The following PTPN23 variants were observed in gnomAD, a reference collection of about 807,000 sequenced individuals.
PTPN23 encodes tyrosine-protein phosphatase non-receptor type 23.
Under a neutral mutation model 156.3 loss-of-function variants are expected in PTPN23, and 72 were observed. The observed-to-expected ratio is 0.46, with a 90% CI of 0.38 to 0.56. The LOEUF (loss-of-function observed/expected upper bound fraction) is 0.56. PTPN23 is among the 20% of genes least tolerant of loss of function. PTPN23 has a pLI of 0.00. For missense variants in PTPN23, 1,974 were observed against 2,171.5 expected, an observed-to-expected ratio of 0.91 and a Z score of 1.81; for synonymous variants, 957 against 899.6, an observed-to-expected ratio of 1.06 and a Z score of -1.14.
At chr3:47,384,622 A>G (rs930283424) in intron 1 of PTPN23, among the ~76,000 whole-genome samples, 12 of 152,092 alleles carry the variant, frequency 7.9e-5, no homozygotes, top group Non-Finnish European at 1.6e-4. Context: ...GCTTTTGACA[A>G]ATCTTTCATG....
At position 47,410,752 on chromosome 3, in the gene PTPN23, CACCCCAG is replaced by C; in HGVS notation, c.2955_2961del (p.Ala988AspfsTer170). The stretch of plus-strand genomic sequence containing the variant: ...CCACTCCAGCATCCACATCTCTTCC[CACCCCAG>C]GCCCCAGGACTCCTACCCCCACAAT... On this transcript the variant is annotated frameshift_variant, in exon 20 of 25. Coordinates refer to ENST00000265562, the MANE Select transcript of PTPN23 (RefSeq NM_015466.4). LOFTEE classifies it high-confidence loss of function. 6.4e-7 allele frequency: 1 copy of C among 1,558,140 alleles called. No homozygotes were observed. The highest frequency in any genetic ancestry group is 8.7e-7 in the Non-Finnish European group (1 of 1,148,922).
At position 47,405,119 on chromosome 3, in the gene PTPN23, A is replaced by C; in HGVS notation, c.364+38A>C. On this transcript the variant is annotated intron_variant, in intron 4 of 24. Coordinates refer to ENST00000265562, the MANE Select transcript of PTPN23 (RefSeq NM_015466.4). This position sits in a 1 kb window ranked among gnomAD's most constrained non-coding sequence, Gnocchi z 4.7. ...ATCCCTTCCCCCGGCCCTACTCCCCAGTCCTGCCAGCCTAGCTTTCAGCTC... is the reference window on the plus strand; with the variant it reads ...ATCCCTTCCCCCGGCCCTACTCCCCCGTCCTGCCAGCCTAGCTTTCAGCTC... 1 of 1,590,448 alleles carries C rather than the reference A, an allele frequency of 6.3e-7. No individual in the cohort carries two copies. The highest frequency in any genetic ancestry group is 1.1e-5 in the South Asian group (1 of 90,598).
At chr3:47,408,285 T>C in intron 14 of PTPN23, 60 bp from the exon 15 acceptor site, 1 of 1,582,644 alleles carries the variant, frequency 6.3e-7, no homozygotes, top group Non-Finnish European at 8.6e-7. Context: ...AGCGGCTCCT[T>C]TGACATGGTC....
intron 1 of PTPN23, among the ~76,000 whole-genome samples, chr3:47,392,035 A>T (rs1219751779): frequency 1.3e-5 from 2 of 151,938 alleles, no homozygotes; most frequent in African/African-American, 4.8e-5. Flanking sequence ...ATAGGCGCAC[A>T]CCACCACACG....
At chr3:47,386,882 TC>T in intron 1 of PTPN23, among the ~76,000 whole-genome samples, 1 of 152,234 alleles carries the variant, frequency 6.6e-6, no homozygotes, top group Non-Finnish European at 1.5e-5. Flanking sequence ...TATATCCATT[TC>T]AGTTAGAGTT....
intron 2 of PTPN23, among the ~76,000 whole-genome samples, chr3:47,403,981 A>G (rs1576222553): frequency 6.6e-6 from 1 of 152,204 alleles, no homozygotes; most frequent in East Asian, 1.9e-4. Flanking sequence ...CTTTAATCCC[A>G]TCACTTTGGG....
At position 47,408,819 on chromosome 3, in the gene PTPN23, C is replaced by T. The variant is rs1705192021; in HGVS notation, c.1374C>T (p.Asp458=). 1 of 1,611,928 alleles carries T rather than the reference C, an allele frequency of 6.2e-7. No individual in the cohort carries two copies. The highest frequency in any genetic ancestry group is 8.5e-7 in the Non-Finnish European group (1 of 1,178,772). Residue 458 remains aspartate, a synonymous_variant, in exon 16 of 25, where the codon GAC becomes GAT. Coordinates refer to ENST00000265562, the MANE Select transcript of PTPN23 (RefSeq NM_015466.4). ...VFTDVEASLK[D]IRDLLEEDEL... Reference sequence around the variant, plus strand: ...CGGATGTGGAGGCTTCCCTGAAGGACATCAGAGATCTGTTGGAGGAGGATG... The same window carrying T: ...CGGATGTGGAGGCTTCCCTGAAGGATATCAGAGATCTGTTGGAGGAGGATG...
Position 47,412,556 on chromosome 3 carries a change from G to T in PTPN23, c.4360G>T (p.Glu1454Ter). 1 of 1,613,634 alleles carries T rather than the reference G, an allele frequency of 6.2e-7. No homozygotes were observed. Among genetic ancestry groups the T allele is most frequent in the South Asian group, 1.1e-5 (1 of 91,084 alleles). Residue 1454 changes from glutamate to a stop codon, truncating the protein, a stop_gained, in exon 24 of 25, where the codon GAG becomes TAG. Transcript: ENST00000265562. LOFTEE classifies it high-confidence loss of function. ...FCYEAVVRHVEQVLQRHGVPP... is the reference protein window; with the variant it reads ...FCYEAVVRHV ...CTATGAGGCAGTGGTGAGACACGTG[G>T]AGCAGGTCCTGCAGCGCCATGGTGT...
At position 47,409,540 on chromosome 3, in the gene PTPN23, C is replaced by T. The variant is rs1387784098; in HGVS notation, c.1921C>T (p.Arg641Trp). Residue 641 changes from arginine to tryptophan, a missense_variant, in exon 18 of 25, where the codon CGG becomes TGG. Coordinates refer to ENST00000265562, the MANE Select transcript of PTPN23 (RefSeq NM_015466.4). ...TEANVQYAAV[R>W]RVLSDLDQKW... ...GGCCAACGTGCAGTACGCAGCCGTG[C>T]GGCGGGTACTCAGCGACTTGGACCA... The T allele has an allele frequency of 7.4e-6, 12 of 1,613,768 alleles. No individual in the cohort carries two copies. Among genetic ancestry groups the T allele is most frequent in the East Asian group, 2.2e-5 (1 of 44,886 alleles).
chr3:47,406,689 T>C lies in PTPN23; in HGVS notation c.760-14T>C, dbSNP rs1416413047. The C allele has an allele frequency of 2.5e-6, 4 of 1,613,502 alleles. No homozygotes were observed. The highest frequency in any genetic ancestry group is 3.4e-6 in the Non-Finnish European group (4 of 1,179,806). On this transcript the variant is annotated splice_polypyrimidine_tract_variant and intron_variant, in intron 8 of 24. Transcript: ENST00000265562. The surrounding 1 kb of genome is among the most constrained non-coding windows in gnomAD (Gnocchi z 5.8). ...CTCAGGAAGCAAGTCGTGGCGTCTC[T>C]TCTTCTTTCCCAGCTGCACATGGGA...
At position 47,405,724 on chromosome 3, in the gene PTPN23, C is replaced by G; in HGVS notation, c.365-25C>G. ...CATGGGTGTGAGCAGCCCCAGGCCCCTAACACTGTCCCCTCCCTCCCCAGG... is the reference window on the plus strand; with the variant it reads ...CATGGGTGTGAGCAGCCCCAGGCCCGTAACACTGTCCCCTCCCTCCCCAGG... On this transcript the variant is annotated intron_variant, in intron 4 of 24. Transcript: ENST00000265562. The surrounding 1 kb of genome is among the most constrained non-coding windows in gnomAD (Gnocchi z 4.7). The G allele has an allele frequency of 6.3e-7, 1 of 1,595,712 alleles. No homozygotes were observed.
chr3:47,384,077 C>A (rs1453057178), intron 1 of PTPN23, among the ~76,000 whole-genome samples: 1 of 149,942 alleles, frequency 6.7e-6, no homozygotes, highest in East Asian at 2.0e-4. Flanking sequence ...AAGTACTATG[C>A]TGAACCTTGA....
At chr3:47,381,212 G>T in intron 1 of PTPN23, 32 bp downstream of exon 1, 1 of 1,557,788 alleles carries the variant, frequency 6.4e-7, no homozygotes, top group African/African-American at 1.4e-5. Flanking sequence ...CCCCCTATCC[G>T]CCGCGTATCT....
chr3:47,382,294 C>T (rs1259872703), intron 1 of PTPN23, among the ~76,000 whole-genome samples: 1 of 151,284 alleles, frequency 6.6e-6, no homozygotes, highest in East Asian at 1.9e-4. Flanking sequence ...ACGTTGCTCT[C>T]TTCTTCATCT....
In PTPN23 at chr3:47,407,778, C is replaced by T; in HGVS notation, c.1085C>T (p.Pro362Leu). The T allele has an allele frequency of 1.2e-6, 2 of 1,614,162 alleles. No homozygotes were observed. The highest frequency in any genetic ancestry group is 1.7e-6 in the Non-Finnish European group (2 of 1,180,022). ...CCTGACATCTTTGCCAAACTGGTACCCATGGCTGCCCACGAGGCCTCGTCA... is the reference window on the plus strand; with the variant it reads ...CCTGACATCTTTGCCAAACTGGTACTCATGGCTGCCCACGAGGCCTCGTCA... ...TGPDIFAKLV[P>L]MAAHEASSLY... The change falls in exon 13 of 25, where the codon CCC (proline) becomes CTC (leucine). Residue 362 changes from proline (P) to leucine (L), a missense_variant. Pro to Leu is a moderately conservative substitution (Grantham distance 98). This residue lies in a region of PTPN23 where 726 missense variants were observed against 929.5 expected (regional missense o/e 0.78). Transcript: ENST00000265562. This position sits in a 1 kb window ranked among gnomAD's most constrained non-coding sequence, Gnocchi z 4.0.
Position 47,410,356 on chromosome 3 carries a change from C to T in PTPN23, c.2558C>T (p.Pro853Leu), listed in dbSNP as rs368706601. The part of the protein sequence containing the change: ...VVSSPYVGVG[P>L]APPVAGLPSA... The stretch of plus-strand genomic sequence containing the variant: ...AGCAGTCCCTATGTGGGGGTAGGGC[C>T]GGCCCCACCAGTTGCAGGTCTCCCC... The change falls in exon 20 of 25, where the codon CCG (proline) becomes CTG (leucine). Residue 853 changes from proline to leucine, a missense_variant. Pro to Leu is a moderately conservative substitution (Grantham distance 98, BLOSUM62 -3). Transcript: ENST00000265562. The T allele has an allele frequency of 1.9e-5, 31 of 1,608,834 alleles. No individual in the cohort carries two copies. Among genetic ancestry groups the T allele is most frequent in the African/African-American group, 1.7e-4 (13 of 74,888 alleles).
rs963046582 is a variant in PTPN23, at chr3:47,409,675, C to A, written c.1970C>A (p.Thr657Asn). The change falls in exon 19 of 25, where the codon ACC (threonine) becomes AAC (asparagine). Residue 657 changes from threonine (T) to asparagine (N), a missense_variant. Thr to Asn is a moderately conservative substitution (Grantham distance 65). Around this residue, in one of 4 missense-constraint regions of PTPN23, gnomAD observed 726 missense variants for 929.5 expected, o/e 0.78. Coordinates refer to ENST00000265562, the MANE Select transcript of PTPN23 (RefSeq NM_015466.4). Reference protein sequence around the residue: ...LDQKWNSTLQTLVASYEAYED... With the variant: ...LDQKWNSTLQNLVASYEAYED... ...ACCAGGTGGAACTCCACGCTGCAGA[C>A]CCTGGTGGCCTCGTATGAAGCCTAT... is the stretch of plus-strand genomic sequence containing the variant. 1 of 1,611,380 alleles carries A rather than the reference C, an allele frequency of 6.2e-7. No individual in the cohort carries two copies. The highest frequency in any genetic ancestry group is 8.5e-7 in the Non-Finnish European group (1 of 1,179,802).
At chr3:47,384,444 C>T (rs1462408259) in intron 1 of PTPN23, among the ~76,000 whole-genome samples, 1 of 94,168 alleles carries the variant, frequency 1.1e-5, no homozygotes, top group African/African-American at 4.3e-5. Flanking sequence ...GGTGATAGAG[C>T]GAGACTGTCT....
chr3:47,407,336 C>A lies in PTPN23; in HGVS notation c.892C>A (p.Leu298Ile). The A allele has an allele frequency of 6.2e-7, 1 of 1,614,044 alleles. No homozygotes were observed. Among genetic ancestry groups the A allele is most frequent in the African/African-American group, 1.3e-5 (1 of 75,030 alleles). The stretch of plus-strand genomic sequence containing the variant: ...CCAGCCTGACACTGTGCAAGACGCG[C>A]TTCGCTTCACTATGGATGTCATTGG... ...KGQPDTVQDA[L>I]RFTMDVIGGK... Residue 298 changes from leucine to isoleucine, a missense_variant, in exon 11 of 25, where the codon CTT (leucine) becomes ATT (isoleucine). Leu to Ile is a conservative substitution (Grantham distance 5). This residue lies in a region of PTPN23 where 726 missense variants were observed against 929.5 expected (regional missense o/e 0.78). Coordinates refer to ENST00000265562, the MANE Select transcript of PTPN23 (RefSeq NM_015466.4). This position sits in a 1 kb window ranked among gnomAD's most constrained non-coding sequence, Gnocchi z 4.0.
Sources: gnomAD v4.1 joint callset for allele counts (sites outside exome capture counted in the v4.1 genomes callset) on GRCh38, gnomAD v4.1.1 for gene constraint, gnomAD v4.1.1 regional missense constraint, Gnocchi (gnomAD v3.1) non-coding constraint, MANE v1.5 for transcripts, NCBI Gene and HGNC (gene_info 2026-07-23, HGNC 2026-07-21) for gene names.